ARHGAP32: variants seen among roughly 807,000 people sequenced by gnomAD.
ARHGAP32 encodes the protein Rho GTPase activating protein 32.
ARHGAP32 carries 51 observed loss-of-function variants against 186.5 expected under a neutral mutation model. The observed-to-expected ratio is 0.27, with a 90% CI of 0.22 to 0.35. ARHGAP32 has a LOEUF of 0.35. ARHGAP32 is among the 10% of genes least tolerant of loss of function. ARHGAP32 has a pLI of 1.00. For synonymous variants in ARHGAP32, 950 were observed against 964.3 expected, an observed-to-expected ratio of 0.99 and a Z score of 0.27; for missense variants, 2,186 against 2,623.5, an observed-to-expected ratio of 0.83 and a Z score of 3.64.
intron 1 of ARHGAP32, among the ~76,000 whole-genome samples, chr11:129,238,273 T>C (rs536587966): frequency 6.6e-6 from 1 of 152,300 alleles, no homozygotes; most frequent in East Asian, 1.9e-4. Context: ...CTAACTCTTA[T>C]ACCCTCCCAG....
intron 1 of ARHGAP32, among the ~76,000 whole-genome samples, chr11:129,275,963 T>C (rs1041479056): frequency 6.6e-6 from 1 of 152,270 alleles, no homozygotes; most frequent in African/African-American, 2.4e-5. Context: ...TCCTTTGGTA[T>C]TGTGAACTGA....
chr11:129,120,334 G>C (rs1942490945), intron 5 of ARHGAP32, among the ~76,000 whole-genome samples: 1 of 152,084 alleles, frequency 6.6e-6, no homozygotes, highest in Non-Finnish European at 1.5e-5. Context: ...AGGTCTGAAA[G>C]ACTGTTCTTG....
chr11:129,230,226 A>AAAC (rs10679962), intron 1 of ARHGAP32, among the ~76,000 whole-genome samples: 74,804 of 151,766 alleles, frequency 0.49, 18,727 homozygotes, highest in Non-Finnish European at 0.54. Context: ...CAGGTTGAGA[A>AAAC]AAACCTAAAG....
At chr11:129,152,751 C>G (rs1943315558) in intron 2 of ARHGAP32, among the ~76,000 whole-genome samples, 1 of 152,082 alleles carries the variant, frequency 6.6e-6, no homozygotes, top group Non-Finnish European at 1.5e-5. Flanking sequence ...GTAATAAAAG[C>G]CAACTATGAT....
At chr11:129,234,589 A>C (rs1480387427) in intron 1 of ARHGAP32, among the ~76,000 whole-genome samples, 1 of 152,156 alleles carries the variant, frequency 6.6e-6, no homozygotes, top group East Asian at 1.9e-4. Context: ...GAATGGCAAA[A>C]ATACATATAC....
At chr11:129,191,994 G>GA (rs1292999475) in intron 1 of ARHGAP32, 89 bp downstream of exon 1, 2 of 1,003,358 alleles carry the variant, frequency 2.0e-6, no homozygotes, top group East Asian at 2.4e-5. Flanking sequence ...AGTCTTATTG[G>GA]AAAAAAGACC....
chr11:129,101,642 GA>G (rs1941902532), intron 5 of ARHGAP32, among the ~76,000 whole-genome samples: 3 of 152,120 alleles, frequency 2.0e-5, no homozygotes, highest in South Asian at 2.1e-4. Flanking sequence ...AAGACAGACA[GA>G]CAAGAATAGA....
intron 11 of ARHGAP32, among the ~76,000 whole-genome samples, chr11:129,038,595 C>T (rs780473752): frequency 1.3e-5 from 2 of 151,744 alleles, no homozygotes; most frequent in Non-Finnish European, 2.9e-5. Context: ...GCAACATTTA[C>T]AACTCACTAA....
intron 6 of ARHGAP32, among the ~76,000 whole-genome samples, chr11:129,089,052 T>C (rs1941498053): frequency 7.0e-6 from 1 of 142,798 alleles, no homozygotes; most frequent in South Asian, 2.4e-4. Context: ...TACCAACTAC[T>C]ACTATCCAAG....
intron 5 of ARHGAP32, among the ~76,000 whole-genome samples, chr11:129,095,715 C>T (rs1941711184): frequency 6.6e-6 from 1 of 152,234 alleles, no homozygotes; most frequent in African/African-American, 2.4e-5. Flanking sequence ...ACCCTCAAAG[C>T]TCTTGCATAG....
intron 6 of ARHGAP32, among the ~76,000 whole-genome samples, chr11:129,086,130 A>G (rs1234169520): frequency 6.6e-6 from 1 of 152,214 alleles, no homozygotes; most frequent in African/African-American, 2.4e-5. Flanking sequence ...ACAGACCCAT[A>G]TAAAAGTCAA....
rs144082425 is a variant in ARHGAP32, at chr11:129,070,755, C to G, written c.532-3887G>C. 3.9e-3 allele frequency among the ~76,000 whole-genome samples: 591 copies of G among 151,956 alleles called. 2 individuals are homozygous for G. The highest frequency in any genetic ancestry group is 0.014 in the African/African-American group (565 of 41,482). ...CATACAAAATTCCTAAAAATTGACA[C>G]GTTGTACCAATTTTTACTGCTTGGG... On this transcript the variant is annotated intron_variant, in intron 6 of 22. Coordinates refer to ENST00000682385, the MANE Select transcript of ARHGAP32 (RefSeq NM_001378024.1).
At chr11:129,025,245 G>A (rs1377275605) in intron 11 of ARHGAP32, among the ~76,000 whole-genome samples, 1 of 152,132 alleles carries the variant, frequency 6.6e-6, no homozygotes, top group Non-Finnish European at 1.5e-5. Flanking sequence ...ACAGTAACTG[G>A]CAAGAGATGA....
chr11:129,109,906 ACT>A (rs1432519393), intron 5 of ARHGAP32, among the ~76,000 whole-genome samples: 2 of 151,232 alleles, frequency 1.3e-5, no homozygotes, highest in Non-Finnish European at 3.0e-5. Flanking sequence ...CTCTTCAGAG[ACT>A]CTGTCGATTG....
intron 1 of ARHGAP32, among the ~76,000 whole-genome samples, chr11:129,166,024 G>T (rs1943632923): frequency 6.6e-6 from 1 of 151,936 alleles, no homozygotes; most frequent in Non-Finnish European, 1.5e-5. Flanking sequence ...GAGAAATGAT[G>T]AATTTCAACA....
At chr11:129,272,601 C>A (rs904068344) in intron 1 of ARHGAP32, among the ~76,000 whole-genome samples, 20 of 152,138 alleles carry the variant, frequency 1.3e-4, no homozygotes, top group African/African-American at 4.3e-4. Flanking sequence ...CCCTGAGGAT[C>A]CTATATACTA....
chr11:129,074,991 TCA>T (rs1940992012), intron 6 of ARHGAP32, among the ~76,000 whole-genome samples: 1 of 152,012 alleles, frequency 6.6e-6, no homozygotes, highest in Non-Finnish European at 1.5e-5. Flanking sequence ...TATCAAAATA[TCA>T]CATTCTACAC....
At chr11:129,005,072 T>C (rs956406439) in intron 11 of ARHGAP32, among the ~76,000 whole-genome samples, 1 of 152,162 alleles carries the variant, frequency 6.6e-6, no homozygotes, top group Non-Finnish European at 1.5e-5. Flanking sequence ...TCATGAGGCT[T>C]GCAAATACTA....
At position 128,969,069 on chromosome 11, in the gene ARHGAP32, C is replaced by G; in HGVS notation, c.6144G>C (p.Gln2048His). ...CCCCTCCAAAGACTCCTCGCTGGTG[C>G]TGAGGCAGGGAGTGGTAATCTTCCA... ...DNLEDYHSLP[Q>H]HQRGVFGGGG... The change falls in exon 23 of 23, where the codon CAG becomes CAC. Residue 2048 changes from glutamine to histidine, a missense_variant. Physicochemically the swap from Gln to His is conservative, Grantham distance 24 (BLOSUM62 0). This residue lies in a region of ARHGAP32 where 1,502 missense variants were observed against 1,570.0 expected (regional missense o/e 0.96). Transcript: ENST00000682385. The surrounding 1 kb of genome is among the most constrained non-coding windows in gnomAD (Gnocchi z 4.8). 1 of 1,611,302 alleles carries G rather than the reference C, an allele frequency of 6.2e-7. No homozygotes were observed. The highest frequency in any genetic ancestry group is 8.5e-7 in the Non-Finnish European group (1 of 1,178,236).
Sources: allele counts gnomAD v4.1 joint callset (sites outside exome capture counted in the v4.1 genomes callset), GRCh38; gene constraint gnomAD v4.1.1; regional missense constraint gnomAD v4.1.1; non-coding constraint Gnocchi (gnomAD v3.1); transcripts MANE v1.5; gene names NCBI Gene and HGNC (gene_info 2026-07-23, HGNC 2026-07-21).